The following OR9Q1 variants were observed in gnomAD, a reference collection of about 807,000 sequenced individuals.
The protein encoded by OR9Q1 is olfactory receptor 9Q1.
For synonymous variants in OR9Q1, 153 were observed against 148.6 expected (o/e 1.03, Z -0.22); for missense variants, 374 against 378.8 (o/e 0.99, Z 0.11).
chr11:58,162,815 C>T lies in OR9Q1; in HGVS notation c.-14-16616C>T, dbSNP rs1248301836. The stretch of plus-strand genomic sequence containing the variant: ...CTACCCCATGTCTTTGTTACTGTTT[C>T]AGCAGAATGGGGAGAATCACATATT... On this transcript the variant is annotated intron_variant, in intron 2 of 2. Transcript: ENST00000335397. Among the ~76,000 whole-genome samples, 9 of 152,280 alleles carry T rather than the reference C, an allele frequency of 5.9e-5. No homozygotes were observed. In the East Asian group the frequency reaches 1.5e-3, roughly 26 times the overall value.
chr11:58,048,678 A>ATG (rs1255336334), intron 1 of OR9Q1, among the ~76,000 whole-genome samples: 1 of 112,106 alleles, frequency 8.9e-6, no homozygotes, highest in Non-Finnish European at 1.9e-5. Context: ...TTAAAAAAAA[A>ATG]AATATATATA....
chr11:58,031,840 TAGGAACA>T (rs1044912828), intron 1 of OR9Q1: 19 of 1,614,050 alleles, frequency 1.2e-5, no homozygotes, highest in Non-Finnish European at 1.6e-5. Flanking sequence ...TCTACAGTCT[TAGGAACA>T]AGGAAGTGAA....
chr11:58,039,973 A>G (rs1006656470), intron 1 of OR9Q1, among the ~76,000 whole-genome samples: 3 of 152,146 alleles, frequency 2.0e-5, no homozygotes, highest in Non-Finnish European at 4.4e-5. Context: ...TAAATTTATT[A>G]CTCCTAAATT....
intron 1 of OR9Q1, among the ~76,000 whole-genome samples, chr11:58,054,190 G>A (rs1028709767): frequency 2.0e-5 from 3 of 152,162 alleles, no homozygotes; most frequent in Non-Finnish European, 4.4e-5. Context: ...AGTGCCTTCA[G>A]GAATCCCTCT....
intron 2 of OR9Q1, among the ~76,000 whole-genome samples, chr11:58,178,592 A>T (rs1854626666): frequency 6.6e-6 from 1 of 152,080 alleles, no homozygotes; most frequent in Non-Finnish European, 1.5e-5. Flanking sequence ...AGAAAAAGGG[A>T]TAGAGTCCTG....
intron 2 of OR9Q1, among the ~76,000 whole-genome samples, chr11:58,176,053 G>A (rs962379943): frequency 4.6e-5 from 7 of 152,140 alleles, no homozygotes; most frequent in Non-Finnish European, 1.0e-4. Flanking sequence ...GACTCCCAGA[G>A]AGGGCAAACA....
intron 1 of OR9Q1, among the ~76,000 whole-genome samples, chr11:58,034,166 A>G (rs1853071777): frequency 6.8e-6 from 1 of 147,184 alleles, no homozygotes; most frequent in Non-Finnish European, 1.5e-5. Flanking sequence ...GCTCACTGCA[A>G]GCTCCGCCTC....
intron 2 of OR9Q1, among the ~76,000 whole-genome samples, chr11:58,153,559 T>A (rs1407956901): frequency 2.0e-5 from 3 of 151,506 alleles, no homozygotes; most frequent in South Asian, 4.2e-4. Context: ...AAGAAATCTT[T>A]TTTTTTTTTT....
At chr11:58,111,120 A>C (rs2120109657) in intron 2 of OR9Q1, among the ~76,000 whole-genome samples, 1 of 152,264 alleles carries the variant, frequency 6.6e-6, no homozygotes, top group African/African-American at 2.4e-5. Flanking sequence ...AATAATTAAC[A>C]ACTCCACTAA....
intron 2 of OR9Q1, among the ~76,000 whole-genome samples, chr11:58,110,362 T>C (rs1853887404): frequency 6.6e-6 from 1 of 152,196 alleles, no homozygotes; most frequent in Non-Finnish European, 1.5e-5. Context: ...GTGAGCACTT[T>C]CGTAATCTAT....
At chr11:58,054,274 A>T (rs1853305386) in intron 1 of OR9Q1, among the ~76,000 whole-genome samples, 1 of 152,178 alleles carries the variant, frequency 6.6e-6, no homozygotes, top group Non-Finnish European at 1.5e-5. Flanking sequence ...TTTTGTAATT[A>T]GGAAAAGAGG....
chr11:58,154,932 G>C (rs995144383), intron 2 of OR9Q1, among the ~76,000 whole-genome samples: 3 of 152,138 alleles, frequency 2.0e-5, no homozygotes. Flanking sequence ...AGATGATAGT[G>C]ATTTTAAGGT....
intron 1 of OR9Q1, among the ~76,000 whole-genome samples, chr11:58,037,743 G>T (rs1369686180): frequency 2.4e-5 from 2 of 84,732 alleles, no homozygotes; most frequent in African/African-American, 4.5e-5. Flanking sequence ...TTTTGAGACG[G>T]AGTCTCACTC....
intron 2 of OR9Q1, among the ~76,000 whole-genome samples, chr11:58,128,566 C>T (rs1854111303): frequency 6.6e-6 from 1 of 152,118 alleles, no homozygotes; most frequent in African/African-American, 2.4e-5. Context: ...TCAGATCTAT[C>T]GCGTTATAAA....
intron 2 of OR9Q1, among the ~76,000 whole-genome samples, chr11:58,146,038 G>T (rs1005970402): frequency 6.6e-6 from 1 of 152,118 alleles, no homozygotes; most frequent in Non-Finnish European, 1.5e-5. Context: ...ATGGCATAGA[G>T]GTCTCAGACA....
intron 2 of OR9Q1, chr11:58,145,255 A>C (rs1007884258): frequency 3.3e-5 from 5 of 152,406 alleles, no homozygotes; most frequent in East Asian, 3.9e-4. Flanking sequence ...ATATTCATAT[A>C]CCTGAAAGGC....
chr11:58,119,020 C>A, intron 2 of OR9Q1: 1 of 1,613,884 alleles, frequency 6.2e-7, no homozygotes, highest in Non-Finnish European at 8.5e-7. Flanking sequence ...CACCAGGCTC[C>A]AGCAGAGCCT....
intron 2 of OR9Q1, among the ~76,000 whole-genome samples, chr11:58,071,697 T>C (rs1853489445): frequency 6.6e-6 from 1 of 152,116 alleles, no homozygotes; most frequent in Non-Finnish European, 1.5e-5. Context: ...CAGATATGAG[T>C]GGTGTTATGG....
intron 2 of OR9Q1, among the ~76,000 whole-genome samples, chr11:58,101,064 A>C (rs999893157): frequency 2.0e-5 from 3 of 152,134 alleles, no homozygotes; most frequent in Non-Finnish European, 2.9e-5. Flanking sequence ...TGGGTACAAA[A>C]ATACAGTTAG....
Sources: gnomAD v4.1 joint callset for allele counts (sites outside exome capture counted in the v4.1 genomes callset) on GRCh38, gnomAD v4.1.1 for gene constraint, MANE v1.5 for transcripts, NCBI Gene and HGNC (gene_info 2026-07-23, HGNC 2026-07-21) for gene names.